LGALS3BP: variants seen among roughly 807,000 people sequenced by gnomAD.
LGALS3BP encodes galectin 3 binding protein, also known as galectin-3-binding protein.
In LGALS3BP, 25 loss-of-function variants were observed where a neutral mutation model predicts 22.9. The ratio of observed to expected loss-of-function variants is 1.09; its 90% CI spans 0.80 to 1.53. The LOEUF is 1.53. Among genes scored for constraint, LGALS3BP ranks in the 40% most tolerant of loss-of-function variants. The probability of loss-of-function intolerance (pLI) is 0.00; values close to 1 mark genes in which losing one functional copy is unlikely to be tolerated. For missense variants in LGALS3BP, 718 were observed against 752.0 expected (o/e 0.95, Z 0.53); for synonymous variants, 335 against 331.1 (o/e 1.01, Z -0.13).
chr17:78,976,119 G>GC lies in LGALS3BP; in HGVS notation c.89dup (p.Ala31ArgfsTer20), dbSNP rs1166190483. 6.3e-7 allele frequency: 1 copy of GC among 1,594,044 alleles called. No homozygotes were observed. ...TCTCCACGCGGCCCTGGTTGGTGGC[G>GC]CCCCCATCGGCCAGCCGCATGTCAC... On this transcript the variant is annotated frameshift_variant, in exon 3 of 6. Transcript: ENST00000262776. LOFTEE classifies it high-confidence loss of function. The surrounding 1 kb of genome is among the most constrained non-coding windows in gnomAD (Gnocchi z 4.6).
chr17:78,979,075 G>GC (rs1491081637), intron 1 of LGALS3BP, among the ~76,000 whole-genome samples: 3 of 9,742 alleles, frequency 3.1e-4, no homozygotes, highest in East Asian at 2.6e-3. Flanking sequence ...AAAAAAAAAG[G>GC]GGGGGGGGCA....
chr17:78,976,117 G>A lies in LGALS3BP; in HGVS notation c.92C>T (p.Ala31Val), dbSNP rs1261729310. The A allele has an allele frequency of 6.3e-7, 1 of 1,598,268 alleles. No individual in the cohort carries two copies. Among genetic ancestry groups the A allele is most frequent in the Non-Finnish European group, 8.5e-7 (1 of 1,173,270 alleles). ...DGDMRLADGGATNQGRVEIFY... is the reference protein window; with the variant it reads ...DGDMRLADGGVTNQGRVEIFY... ...GATCTCCACGCGGCCCTGGTTGGTG[G>A]CGCCCCCATCGGCCAGCCGCATGTC... The change falls in exon 3 of 6, where the codon GCC becomes GTC. Residue 31 changes from alanine (A) to valine (V), a missense_variant. Coordinates refer to ENST00000262776, the MANE Select transcript of LGALS3BP (RefSeq NM_005567.4). The surrounding 1 kb of genome is among the most constrained non-coding windows in gnomAD (Gnocchi z 4.6).
Position 78,972,686 on chromosome 17 carries a change from C to A in LGALS3BP, c.648G>T (p.Arg216Ser). The change falls in exon 6 of 6, where the codon AGG (arginine) becomes AGT (serine). Residue 216 changes from arginine (R) to serine (S), a missense_variant. Coordinates refer to ENST00000262776, the MANE Select transcript of LGALS3BP (RefSeq NM_005567.4). The surrounding 1 kb of genome is among the most constrained non-coding windows in gnomAD (Gnocchi z 5.1). ...RDLLRYFYSR[R>S]IDITLSSVKC... ...TGACTGACGACAGGGTGATGTCAATCCTTCGGGAGTAGAAGTACCTGGGGA... is the reference window on the plus strand; with the variant it reads ...TGACTGACGACAGGGTGATGTCAATACTTCGGGAGTAGAAGTACCTGGGGA... The A allele has an allele frequency of 6.6e-7, 1 of 1,518,474 alleles. No homozygotes were observed. Among genetic ancestry groups the A allele is most frequent in the South Asian group, 1.3e-5 (1 of 75,732 alleles). 94.1% of individuals were successfully genotyped at this position (1,518,474 alleles called of 1,614,324 possible). A position where few individuals can be genotyped will look rare whatever the true frequency, so the allele number is the denominator to read the frequency against.
At chr17:78,975,136 G>T (rs1020401565) in intron 3 of LGALS3BP, 12 of 334,482 alleles carry the variant, frequency 3.6e-5, no homozygotes, top group African/African-American at 1.1e-4. Flanking sequence ...GCAACATCAG[G>T]TTCACATACT....
intron 1 of LGALS3BP, among the ~76,000 whole-genome samples, chr17:78,978,357 C>T (rs1406219568): frequency 6.6e-6 from 1 of 152,230 alleles, no homozygotes; most frequent in African/African-American, 2.4e-5. Flanking sequence ...TGGCACTGTG[C>T]AGCCACCCCT....
chr17:78,976,148 C>A lies in LGALS3BP; in HGVS notation c.61G>T (p.Asp21Tyr). The change falls in exon 3 of 6, where the codon GAT becomes TAT. Residue 21 changes from aspartate to tyrosine, a missense_variant. By Grantham distance (160) the Asp-to-Tyr change is radical. Transcript: ENST00000262776. This position sits in a 1 kb window ranked among gnomAD's most constrained non-coding sequence, Gnocchi z 4.6. ...LLVAGTQGVN[D>Y]GDMRLADGGA... is the part of the protein sequence containing the mutation. ...CCATCGGCCAGCCGCATGTCACCAT[C>A]GTTCACGCCTGCAGGCAGAGACCAG... 6.3e-7 allele frequency: 1 copy of A among 1,578,350 alleles called. No homozygotes were observed.
intron 1 of LGALS3BP, among the ~76,000 whole-genome samples, chr17:78,978,584 C>A (rs553282660): frequency 1.2e-4 from 19 of 152,224 alleles, no homozygotes; most frequent in Admixed American, 1.2e-3. Flanking sequence ...AGGGTGTGAC[C>A]GCCTGTCCTG....
In LGALS3BP at chr17:78,971,955, G is replaced by C; in HGVS notation, c.1379C>G (p.Ser460Cys). 1 of 1,614,132 alleles carries C rather than the reference G, an allele frequency of 6.2e-7. No homozygotes were observed. The highest frequency in any genetic ancestry group is 8.5e-7 in the Non-Finnish European group (1 of 1,180,034). The change falls in exon 6 of 6, where the codon TCC becomes TGC. Residue 460 changes from serine to cysteine, a missense_variant. By Grantham distance (112) the Ser-to-Cys change is moderately radical (BLOSUM62 -1). Coordinates refer to ENST00000262776, the MANE Select transcript of LGALS3BP (RefSeq NM_005567.4). The surrounding 1 kb of genome is among the most constrained non-coding windows in gnomAD (Gnocchi z 5.6). The part of the protein sequence containing the change: ...PSDYRYYPYQ[S>C]FQTPQHPSFL... ...GCTGGGGTGTTGTGGAGTCTGGAAG[G>C]ACTGGTAGGGGTAGTATCTGTAGTC...
In LGALS3BP at chr17:78,971,352, T is replaced by C; in HGVS notation, c.*224A>G. ...TCCCAGAGCAACCTCGAGGGCGTCCTGGTGCTTACCACCTGGAAACTGGTG... is the reference window on the plus strand; with the variant it reads ...TCCCAGAGCAACCTCGAGGGCGTCCCGGTGCTTACCACCTGGAAACTGGTG... On this transcript the variant is annotated 3_prime_UTR_variant, in exon 6 of 6. Transcript: ENST00000262776. This position sits in a 1 kb window ranked among gnomAD's most constrained non-coding sequence, Gnocchi z 5.6. 1 of 571,736 alleles carries C rather than the reference T, an allele frequency of 1.7e-6. No individual in the cohort carries two copies. Among genetic ancestry groups the C allele is most frequent in the Non-Finnish European group, 3.1e-6 (1 of 322,124 alleles). The allele number at this position is 571,736 out of a possible 1,614,324, so 35.4% of individuals were successfully genotyped here.
chr17:78,973,950 G>C lies in LGALS3BP; in HGVS notation c.377-728C>G, dbSNP rs532394952. 6.6e-6 allele frequency among the ~76,000 whole-genome samples: 1 copy of C among 152,312 alleles called. No homozygotes were observed. The highest frequency in any genetic ancestry group is 6.5e-5 in the Admixed American group (1 of 15,308). On this transcript the variant is annotated intron_variant, in intron 4 of 5. Transcript: ENST00000262776. This position sits in a 1 kb window ranked among gnomAD's most constrained non-coding sequence, Gnocchi z 5.8. Reference sequence around the variant, plus strand: ...CTCTCCTGCCCCAGGAGCTTTGGCCGTGCGCCCATGGCCCCGTGTGCTCCC... The same window carrying C: ...CTCTCCTGCCCCAGGAGCTTTGGCCCTGCGCCCATGGCCCCGTGTGCTCCC...
rs1474078751 is a variant in LGALS3BP at position 78,974,891 on chromosome 17, C to T, written c.245-72G>A. The stretch of plus-strand genomic sequence containing the variant: ...CAGGAGTCCCACAGCGCGACTCAGC[C>T]CTTTGTTCTCCGCCCCGGCCGTGTG... On this transcript the variant is annotated intron_variant, in intron 3 of 5. Coordinates refer to ENST00000262776, the MANE Select transcript of LGALS3BP (RefSeq NM_005567.4). 5 of 1,572,500 alleles carry T rather than the reference C, an allele frequency of 3.2e-6. No individual in the cohort carries two copies. The African/African-American group carries it at 6.7e-5, about 21-fold the overall frequency.
chr17:78,972,280 G>A lies in LGALS3BP; in HGVS notation c.1054C>T (p.Leu352Phe). 1 of 1,613,404 alleles carries A rather than the reference G, an allele frequency of 6.2e-7. No individual in the cohort carries two copies. The highest frequency in any genetic ancestry group is 8.5e-7 in the Non-Finnish European group (1 of 1,179,796). Residue 352 changes from leucine to phenylalanine, a missense_variant, in exon 6 of 6, where the codon CTC becomes TTC. Physicochemically the swap from Leu to Phe is conservative, Grantham distance 22. Coordinates refer to ENST00000262776, the MANE Select transcript of LGALS3BP (RefSeq NM_005567.4). This position sits in a 1 kb window ranked among gnomAD's most constrained non-coding sequence, Gnocchi z 5.1. ...LVEKIRFPMM[L>F]PEELFELQFN... ...TGCAGCTCAAAGAGCTCCTCAGGGA[G>A]CATCATGGGGAAGCGGATCTTCTCC...
intron 1 of LGALS3BP, among the ~76,000 whole-genome samples, chr17:78,979,073 A>AGG (rs35058687): frequency 1.3e-5 from 2 of 148,152 alleles, no homozygotes; most frequent in South Asian, 4.3e-4. Flanking sequence ...CAAAAAAAAA[A>AGG]GGGGGGGGGG....
chr17:78,972,791 G>T lies in LGALS3BP; in HGVS notation c.630-87C>A. On this transcript the variant is annotated intron_variant, in intron 5 of 5. Transcript: ENST00000262776. The surrounding 1 kb of genome is among the most constrained non-coding windows in gnomAD (Gnocchi z 5.1). ...AACTGTCCAACACAGCCACCTGAGT[G>T]CACACAGTGTGGGAGTGAGCATGCG... The T allele has an allele frequency of 6.8e-7, 1 of 1,474,632 alleles. No individual in the cohort carries two copies. Among genetic ancestry groups the T allele is most frequent in the Non-Finnish European group, 9.1e-7 (1 of 1,103,552 alleles). 91.3% of individuals were successfully genotyped at this position (1,474,632 alleles called of 1,614,324 possible).
chr17:78,974,653 C>G, intron 4 of LGALS3BP, 35 bp downstream of exon 4: 1 of 1,602,452 alleles, frequency 6.2e-7, no homozygotes, highest in Non-Finnish European at 8.5e-7. Flanking sequence ...CCAGGGCACA[C>G]TGGGGCCTCC....
At chr17:78,975,226 A>C (rs1417870338) in intron 3 of LGALS3BP, among the ~76,000 whole-genome samples, 1 of 152,120 alleles carries the variant, frequency 6.6e-6, no homozygotes, top group African/African-American at 2.4e-5. Flanking sequence ...AGGTTCACAT[A>C]CTGTAATTGT....
chr17:78,976,950 C>A lies in LGALS3BP; in HGVS notation c.52+190G>T. 1.6e-6 allele frequency: 1 copy of A among 631,436 alleles called. No individual in the cohort carries two copies. The highest frequency in any genetic ancestry group is 2.8e-5 in the East Asian group (1 of 36,242). The allele number at this position is 631,436 out of a possible 1,614,324, so 39.1% of individuals were successfully genotyped here. A position where few individuals can be genotyped will look rare whatever the true frequency, so the allele number is the denominator to read the frequency against. Reference sequence around the variant, plus strand: ...CTATAACCTGCATCTCACCTGAACCCAGGTGAGCCCCCGGGAACCTCCAAG... The same window carrying A: ...CTATAACCTGCATCTCACCTGAACCAAGGTGAGCCCCCGGGAACCTCCAAG... On this transcript the variant is annotated intron_variant, in intron 2 of 5. Transcript: ENST00000262776. This position sits in a 1 kb window ranked among gnomAD's most constrained non-coding sequence, Gnocchi z 4.6.
At position 78,972,254 on chromosome 17, in the gene LGALS3BP, C is replaced by T; in HGVS notation, c.1080G>A (p.Gln360=). The T allele has an allele frequency of 6.2e-7, 1 of 1,613,752 alleles. No individual in the cohort carries two copies. Among genetic ancestry groups the T allele is most frequent in the Non-Finnish European group, 8.5e-7 (1 of 1,179,962 alleles). The change falls in exon 6 of 6, where the codon CAG becomes CAA. Residue 360 remains glutamine (Q), a synonymous_variant. Coordinates refer to ENST00000262776, the MANE Select transcript of LGALS3BP (RefSeq NM_005567.4). The surrounding 1 kb of genome is among the most constrained non-coding windows in gnomAD (Gnocchi z 5.1). ...MMLPEELFEL[Q]FNLSLYWSHE... is the part of the protein sequence containing the mutation. ...GGCTCCAGTACAGGGACAGGTTGAACTGCAGCTCAAAGAGCTCCTCAGGGA... is the reference window on the plus strand; with the variant it reads ...GGCTCCAGTACAGGGACAGGTTGAATTGCAGCTCAAAGAGCTCCTCAGGGA...
Position 78,971,578 on chromosome 17 carries a change from A to C in LGALS3BP, c.1756T>G (p.Ter586GluextTer44). 1.2e-6 allele frequency: 2 copies of C among 1,611,968 alleles called. No homozygotes were observed. The highest frequency in any genetic ancestry group is 1.7e-6 in the Non-Finnish European group (2 of 1,179,102). ...TCACCACCCTTGGGCCACGCCGTCT[A>C]GTCCACACCTGAGGAGTTGGTCAGG... is the stretch of plus-strand genomic sequence containing the variant. ...FYLTNSSGVD[*>E] The change falls in exon 6 of 6, where the codon TAG becomes GAG. Residue 586 changes from the stop codon to glutamate (E), a stop_lost. Transcript: ENST00000262776. The surrounding 1 kb of genome is among the most constrained non-coding windows in gnomAD (Gnocchi z 5.6).
Sources: allele counts gnomAD v4.1 joint callset (sites outside exome capture counted in the v4.1 genomes callset), GRCh38; gene constraint gnomAD v4.1.1; non-coding constraint Gnocchi (gnomAD v3.1); transcripts MANE v1.5; gene names NCBI Gene and HGNC (gene_info 2026-07-23, HGNC 2026-07-21).